PIGC: variants seen among roughly 807,000 people sequenced by gnomAD.
The protein encoded by PIGC is phosphatidylinositol N-acetylglucosaminyltransferase subunit C.
A neutral mutation model predicts 20.9 loss-of-function variants in PIGC; 14 were observed. The ratio of observed to expected loss-of-function variants is 0.67; its 90% CI spans 0.44 to 1.05. The LOEUF (loss-of-function observed/expected upper bound fraction) is 1.05. PIGC is among the 50% of genes least tolerant of loss of function. The pLI, the probability that PIGC is intolerant of heterozygous loss-of-function variation, is 0.00. For synonymous variants in PIGC, 132 were observed against 141.4 expected (o/e 0.93, Z 0.47); for missense variants, 310 against 360.9 (o/e 0.86, Z 1.14).
In PIGC at chr1:172,442,165, G is replaced by C; in HGVS notation, c.458C>G (p.Ser153Ter). ...SVSTDTIYAM[S>*]VFMLLGHLIF... ...GAGATGGCCTAACAGCATGAAGACTGACATGGCATAGATGGTGTCAGTGCT... is the reference window on the plus strand; with the variant it reads ...GAGATGGCCTAACAGCATGAAGACTCACATGGCATAGATGGTGTCAGTGCT... Residue 153 changes from serine (S) to a stop codon, truncating the protein, a stop_gained, in exon 2 of 2, where the codon TCA becomes TGA. Coordinates refer to ENST00000344529, the MANE Select transcript of PIGC (RefSeq NM_153747.2). LOFTEE classifies it high-confidence loss of function. The C allele has an allele frequency of 6.2e-7, 1 of 1,614,180 alleles. No homozygotes were observed. The highest frequency in any genetic ancestry group is 8.5e-7 in the Non-Finnish European group (1 of 1,179,998).
chr1:172,442,149 T>G lies in PIGC; in HGVS notation c.474A>C (p.Leu158Phe). ...TIYAMSVFML[L>F]GHLIFFDYGA... is the part of the protein sequence containing the mutation. Reference sequence around the variant, plus strand: ...CATAGTCAAAAAAGATGAGATGGCCTAACAGCATGAAGACTGACATGGCAT... The same window carrying G: ...CATAGTCAAAAAAGATGAGATGGCCGAACAGCATGAAGACTGACATGGCAT... The change falls in exon 2 of 2, where the codon TTA becomes TTC. Residue 158 changes from leucine to phenylalanine, a missense_variant. Transcript: ENST00000344529. The G allele has an allele frequency of 1.1e-5, 17 of 1,614,134 alleles. No individual in the cohort carries two copies. Among genetic ancestry groups the G allele is most frequent in the Non-Finnish European group, 1.1e-5 (13 of 1,179,990 alleles).
In PIGC at chr1:172,442,297, C is replaced by T. The variant is rs757141681; in HGVS notation, c.326G>A (p.Arg109Gln). The T allele has an allele frequency of 1.4e-5, 23 of 1,613,618 alleles. No individual in the cohort carries two copies. The highest frequency in any genetic ancestry group is 8.3e-5 in the Admixed American group (5 of 60,026). ...CCACCGGGTCTGCCCACTCTTCTTC[C>T]GCCCTTCACCTCCATCAATGAGATC... ...LFDLIDGGEG[R>Q]KKSGQTRWAD... Residue 109 changes from arginine to glutamine, a missense_variant, in exon 2 of 2, where the codon CGG becomes CAG. Coordinates refer to ENST00000344529, the MANE Select transcript of PIGC (RefSeq NM_153747.2).
intron 1 of PIGC, 104 bp downstream of exon 1, chr1:172,443,884 G>A: frequency 1.1e-6 from 1 of 873,614 alleles, no homozygotes; most frequent in Non-Finnish European, 1.4e-6. Flanking sequence ...TTTTGGGTGG[G>A]CCTCCCACTT....
chr1:172,442,030 T>A lies in PIGC; in HGVS notation c.593A>T (p.His198Leu). Residue 198 changes from histidine (H) to leucine (L), a missense_variant, in exon 2 of 2, where the codon CAT becomes CTT. Coordinates refer to ENST00000344529, the MANE Select transcript of PIGC (RefSeq NM_153747.2). The part of the protein sequence containing the change: ...CLASRLPRSL[H>L]AFIMVTFAIQ... ...GGCAAATGTCACCATGATGAAGGCATGCAGGGACCGGGGAAGACGTGATGC... is the reference window on the plus strand; with the variant it reads ...GGCAAATGTCACCATGATGAAGGCAAGCAGGGACCGGGGAAGACGTGATGC... 1 of 1,614,212 alleles carries A rather than the reference T, an allele frequency of 6.2e-7. No homozygotes were observed. Among genetic ancestry groups the A allele is most frequent in the Non-Finnish European group, 8.5e-7 (1 of 1,180,036 alleles).
At chr1:172,443,517 C>T (rs1277948445) in intron 1 of PIGC, 2 of 166,976 alleles carry the variant, frequency 1.2e-5, no homozygotes, top group Admixed American at 1.3e-4. Flanking sequence ...TCAATCTACT[C>T]AAAACAAGGA....
chr1:172,443,024 C>A (rs190950807), intron 1 of PIGC, 194 bp from the exon 2 acceptor site: 7 of 183,380 alleles, frequency 3.8e-5, no homozygotes, highest in Non-Finnish European at 9.0e-5. Flanking sequence ...TGTTAGCTAT[C>A]GCTTATTGAG....
intron 1 of PIGC, 59 bp downstream of exon 1, chr1:172,443,929 G>A (rs1355787697): frequency 1.4e-5 from 14 of 987,334 alleles, no homozygotes; most frequent in Non-Finnish European, 1.6e-5. Context: ...TGGGTCTGCG[G>A]GAGGCAGCAG....
rs1573858954 is a variant in PIGC, at chr1:172,444,069, T to A, written c.-290A>T. The A allele has an allele frequency of 2.0e-6, 2 of 998,656 alleles. No homozygotes were observed. The highest frequency in any genetic ancestry group is 1.1e-4 in the East Asian group (1 of 8,834). 61.9% of individuals were successfully genotyped at this position (998,656 alleles called of 1,614,324 possible). A position where few individuals can be genotyped will look rare whatever the true frequency, so the allele number is the denominator to read the frequency against. ...CTTCGGGGCGCCGGGGCTGCGACTGTGGCCAAGCACTTCCGGGTCCGCCGC... is the reference window on the plus strand; with the variant it reads ...CTTCGGGGCGCCGGGGCTGCGACTGAGGCCAAGCACTTCCGGGTCCGCCGC... On this transcript the variant is annotated 5_prime_UTR_variant, in exon 1 of 2. Coordinates refer to ENST00000344529, the MANE Select transcript of PIGC (RefSeq NM_153747.2).
rs1416846556 is a variant in PIGC at position 172,442,607 on chromosome 1, C to T, written c.16G>A (p.Val6Met). 13 of 1,612,774 alleles carry T rather than the reference C, an allele frequency of 8.1e-6. No homozygotes were observed. Among genetic ancestry groups the T allele is most frequent in the Admixed American group, 1.7e-5 (1 of 59,994 alleles). Reference protein sequence around the residue: MYAQPVTNTKEVKWQK... With the variant: MYAQPMTNTKEVKWQK... ...CACTTGACCTCCTTGGTGTTAGTCA[C>T]AGGTTGAGCATACATTATCCTTTCA... Residue 6 changes from valine (V) to methionine (M), a missense_variant, in exon 2 of 2, where the codon GTG (valine) becomes ATG (methionine). By Grantham distance (21) the Val-to-Met change is conservative. Transcript: ENST00000344529.
At position 172,442,435 on chromosome 1, in the gene PIGC, C is replaced by A; in HGVS notation, c.188G>T (p.Cys63Phe). Residue 63 changes from cysteine (C) to phenylalanine (F), a missense_variant, in exon 2 of 2, where the codon TGC (cysteine) becomes TTC (phenylalanine). By Grantham distance (205) the Cys-to-Phe change is radical. Transcript: ENST00000344529. ...FESSVVIQQL[C>F]SVCVFVVIWW... ...GATAACCACAAAAACACAAACACTG[C>A]ACAGCTGCTGGATCACCACACTGGA... is the stretch of plus-strand genomic sequence containing the variant. 2 of 1,614,184 alleles carry A rather than the reference C, an allele frequency of 1.2e-6. No individual in the cohort carries two copies. The highest frequency in any genetic ancestry group is 1.7e-6 in the Non-Finnish European group (2 of 1,180,026).
rs1161757781 is a variant in PIGC, at chr1:172,441,505, G to A, written c.*224C>T. 1.7e-5 allele frequency: 7 copies of A among 408,082 alleles called. No individual in the cohort carries two copies. Among genetic ancestry groups the A allele is most frequent in the Non-Finnish European group, 2.6e-5 (6 of 230,832 alleles). 25.3% of individuals were successfully genotyped at this position (408,082 alleles called of 1,614,324 possible). A position where few individuals can be genotyped will look rare whatever the true frequency, so the allele number is the denominator to read the frequency against. ...AAACCACATCACTTCATATGTTACA[G>A]CATGTAATTCAAGAGGTCCCCAGAA... On this transcript the variant is annotated 3_prime_UTR_variant, in exon 2 of 2. Coordinates refer to ENST00000344529, the MANE Select transcript of PIGC (RefSeq NM_153747.2).
Position 172,441,846 on chromosome 1 carries a change from C to A in PIGC, c.777G>T (p.Met259Ile). 1.9e-6 allele frequency: 3 copies of A among 1,614,148 alleles called. No individual in the cohort carries two copies. The highest frequency in any genetic ancestry group is 2.5e-6 in the Non-Finnish European group (3 of 1,179,988). Residue 259 changes from methionine (M) to isoleucine (I), a missense_variant, in exon 2 of 2, where the codon ATG (methionine) becomes ATT (isoleucine). Coordinates refer to ENST00000344529, the MANE Select transcript of PIGC (RefSeq NM_153747.2). ...AGAATGGACACAGACATGAGATAGACATCAGCAGAAGGGCAAAGAGTACGG... is the reference window on the plus strand; with the variant it reads ...AGAATGGACACAGACATGAGATAGAAATCAGCAGAAGGGCAAAGAGTACGG... ...VGAVLFALLL[M>I]SISCLCPFYL... is the part of the protein sequence containing the mutation.
In PIGC at chr1:172,441,828, A is replaced by G; in HGVS notation, c.795T>C (p.Cys265=). 6.2e-7 allele frequency: 1 copy of G among 1,613,994 alleles called. No homozygotes were observed. Among genetic ancestry groups the G allele is most frequent in the Non-Finnish European group, 8.5e-7 (1 of 1,179,902 alleles). The change falls in exon 2 of 2, where the codon TGT becomes TGC. Residue 265 remains cysteine, a synonymous_variant. Coordinates refer to ENST00000344529, the MANE Select transcript of PIGC (RefSeq NM_153747.2). Reference sequence around the variant, plus strand: ...GCTGCAAGCGAATGAGGTAGAATGGACACAGACATGAGATAGACATCAGCA... The same window carrying G: ...GCTGCAAGCGAATGAGGTAGAATGGGCACAGACATGAGATAGACATCAGCA... ...ALLLMSISCL[C]PFYLIRLQLF... is the part of the protein sequence containing the mutation.
At chr1:172,443,913 C>A (rs1647645021) in intron 1 of PIGC, 75 bp downstream of exon 1, 1 of 976,230 alleles carries the variant, frequency 1.0e-6, no homozygotes, top group Non-Finnish European at 1.2e-6. Flanking sequence ...GCCCCTCACT[C>A]AGCCTTGGGT....
intron 1 of PIGC, chr1:172,443,571 A>G (rs760812794): frequency 6.0e-6 from 1 of 167,198 alleles, no homozygotes. Context: ...CTTTTTCACA[A>G]TGAGAAAACT....
In PIGC at chr1:172,444,052, C is replaced by T. The variant is rs2149171867; in HGVS notation, c.-273G>A. On this transcript the variant is annotated 5_prime_UTR_variant, in exon 1 of 2. Transcript: ENST00000344529. ...ACCCAGCCTTTTTCCCGCTTCGGGG[C>T]GCCGGGGCTGCGACTGTGGCCAAGC... The T allele has an allele frequency of 3.0e-6, 3 of 999,546 alleles. No individual in the cohort carries two copies. Among genetic ancestry groups the T allele is most frequent in the East Asian group, 1.1e-4 (1 of 8,828 alleles). The allele number at this position is 999,546 out of a possible 1,614,324, so 61.9% of individuals were successfully genotyped here. A position where few individuals can be genotyped will look rare whatever the true frequency, so the allele number is the denominator to read the frequency against.
In PIGC at chr1:172,441,603, G is replaced by A. The variant is rs1305544493; in HGVS notation, c.*126C>T. The A allele has an allele frequency of 3.4e-6, 3 of 871,834 alleles. No individual in the cohort carries two copies. Among genetic ancestry groups the A allele is most frequent in the Non-Finnish European group, 5.1e-6 (3 of 593,942 alleles). The allele number at this position is 871,834 out of a possible 1,614,324, so 54.0% of individuals were successfully genotyped here. ...CCAAGCCTTTGGTTCATTTTTTTTG[G>A]TTTTGATCTCTATTCTCTTACCACA... On this transcript the variant is annotated 3_prime_UTR_variant, in exon 2 of 2. Transcript: ENST00000344529.
rs1647463597 is a variant in PIGC at position 172,442,720 on chromosome 1, G to C, written c.-98C>G. ...GAAGTTTTGAAATGAGACCTCCCTG[G>C]AAATTCCATGCTGTGTTGATGTTCT... On this transcript the variant is annotated 5_prime_UTR_variant, in exon 2 of 2. Coordinates refer to ENST00000344529, the MANE Select transcript of PIGC (RefSeq NM_153747.2). 3.0e-6 allele frequency: 3 copies of C among 1,014,618 alleles called. No homozygotes were observed. In the African/African-American group the frequency reaches 4.8e-5, roughly 16 times the overall value. 62.9% of individuals were successfully genotyped at this position (1,014,618 alleles called of 1,614,324 possible).
In PIGC at chr1:172,442,101, G is replaced by C. The variant is rs1265107347; in HGVS notation, c.522C>G (p.Ser174=). The part of the protein sequence containing the change: ...FDYGANAAIV[S]STLSLNMAIF... ...TGGCCATGTTCAAGGATAGTGTGCT[G>C]GATACAATGGCAGCATTGGCACCAT... The change falls in exon 2 of 2, where the codon TCC becomes TCG. Residue 174 remains serine (S), a synonymous_variant. Coordinates refer to ENST00000344529, the MANE Select transcript of PIGC (RefSeq NM_153747.2). The C allele has an allele frequency of 2.5e-6, 4 of 1,614,186 alleles. No homozygotes were observed. Among genetic ancestry groups the C allele is most frequent in the Non-Finnish European group, 3.4e-6 (4 of 1,180,028 alleles).
Sources: gnomAD v4.1 joint callset for allele counts on GRCh38, gnomAD v4.1.1 for gene constraint, MANE v1.5 for transcripts, NCBI Gene and HGNC (gene_info 2026-07-23, HGNC 2026-07-21) for gene names.